The following TRIM51 variants were observed in gnomAD, a reference collection of about 807,000 sequenced individuals.
TRIM51 encodes tripartite motif-containing 51, also known as tripartite motif-containing protein 51.
TRIM51 carries 23 observed loss-of-function variants against 32.7 expected under a neutral mutation model. That is an observed-to-expected ratio of 0.70 (90% CI 0.51 to 1.00). The LOEUF is 1.00. Among genes scored for constraint, TRIM51 ranks in the 50% least tolerant of loss-of-function variants. TRIM51 has a pLI of 0.00. For synonymous variants in TRIM51, 177 were observed against 181.9 expected, an observed-to-expected ratio of 0.97 and a Z score of 0.22; for missense variants, 592 against 539.2, an observed-to-expected ratio of 1.10 and a Z score of -0.97.
intron 6 of TRIM51, among the ~76,000 whole-genome samples, chr11:55,890,541 T>C (rs1484916814): frequency 2.0e-5 from 3 of 152,148 alleles, no homozygotes; most frequent in African/African-American, 7.2e-5. Context: ...AAATAGGAAG[T>C]AAAAATGGAA....
intron 3 of TRIM51, among the ~76,000 whole-genome samples, chr11:55,887,338 A>G (rs1448383962): frequency 1.3e-5 from 2 of 150,020 alleles, no homozygotes; most frequent in African/African-American, 4.9e-5. Context: ...TTTGAGGAAT[A>G]TATATATACA....
At chr11:55,887,910 G>A (rs752117439) in intron 3 of TRIM51, 122 bp from the exon 4 acceptor site, 24 of 759,768 alleles carry the variant, frequency 3.2e-5, no homozygotes, top group African/African-American at 1.1e-4. Flanking sequence ...AAAATTTTGT[G>A]GAATCTGAGA....
intron 4 of TRIM51, 31 bp from the exon 5 acceptor site, chr11:55,888,948 G>T (rs538483607): frequency 6.9e-6 from 11 of 1,604,532 alleles, no homozygotes. Context: ...TGTGGAAAGC[G>T]CTAAGCCTTT....
At chr11:55,889,127 T>TC (rs1854615540) in intron 5 of TRIM51, 126 bp downstream of exon 5, 1 of 849,946 alleles carries the variant, frequency 1.2e-6, no homozygotes, top group Non-Finnish European at 2.0e-6. Flanking sequence ...ACTTTCTCCA[T>TC]CCCCCACCCC....
At chr11:55,889,729 T>G (rs1454726379) in intron 5 of TRIM51, among the ~76,000 whole-genome samples, 1 of 152,176 alleles carries the variant, frequency 6.6e-6, no homozygotes, top group Non-Finnish European at 1.5e-5. Context: ...CGAAGAAAGA[T>G]CCTAATGAAT....
intron 4 of TRIM51, among the ~76,000 whole-genome samples, 155 bp downstream of exon 4, chr11:55,888,417 C>A (rs530157530): frequency 6.3e-4 from 96 of 152,290 alleles, no homozygotes; most frequent in South Asian, 1.2e-3. Context: ...GGTATAGCCT[C>A]TCCTAGTGAT....
chr11:55,889,106 G>C (rs762880389), intron 5 of TRIM51, 105 bp downstream of exon 5: 1 of 1,040,278 alleles, frequency 9.6e-7, no homozygotes, highest in Non-Finnish European at 1.5e-6. Context: ...ATACTGCCTT[G>C]TGCTGGTTGT....
At position 55,891,660 on chromosome 11, in the gene TRIM51, A is replaced by C. The variant is rs1262525425; in HGVS notation, c.*28A>C. 1 of 1,611,204 alleles carries C rather than the reference A, an allele frequency of 6.2e-7. No homozygotes were observed. The highest frequency in any genetic ancestry group is 1.7e-5 in the Admixed American group (1 of 59,764). On this transcript the variant is annotated 3_prime_UTR_variant, in exon 7 of 7. Coordinates refer to ENST00000449290, the MANE Select transcript of TRIM51 (RefSeq NM_032681.4). Reference sequence around the variant, plus strand: ...AGAGAAAAGTCAGAAATGTGCCTGTATGCTCTGGGAACCTGTTTATCCCAG... The same window carrying C: ...AGAGAAAAGTCAGAAATGTGCCTGTCTGCTCTGGGAACCTGTTTATCCCAG...
At chr11:55,889,770 T>G (rs545902829) in intron 5 of TRIM51, among the ~76,000 whole-genome samples, 172 bp from the exon 6 acceptor site, 126 of 152,310 alleles carry the variant, frequency 8.3e-4, no homozygotes, top group Non-Finnish European at 9.4e-4. Context: ...CCATCGTGCT[T>G]GAAAATGAGG....
At chr11:55,889,056 A>C (rs1854614493) in intron 5 of TRIM51, 55 bp downstream of exon 5, 4 of 1,485,284 alleles carry the variant, frequency 2.7e-6, no homozygotes, top group Non-Finnish European at 1.9e-6. Context: ...AATATCAAGC[A>C]GGAACTTTGA....
chr11:55,886,062 T>A (rs1854573541), intron 2 of TRIM51, 61 bp from the exon 3 acceptor site: 1 of 1,544,400 alleles, frequency 6.5e-7, no homozygotes, highest in Non-Finnish European at 8.9e-7. Flanking sequence ...CCTTCGTATA[T>A]CAGAGTGTGA....
rs566860622 is a variant in TRIM51 at position 55,891,500 on chromosome 11, A to G, written c.1227A>G (p.Val409=). 145 of 1,612,250 alleles carry G rather than the reference A, an allele frequency of 9.0e-5. 1 individual carries two copies. In the East Asian group the frequency reaches 2.2e-3, roughly 24 times the overall value. Reference sequence around the variant, plus strand: ...ATGTTCCAAGACCTACCAGCACAGTAGGATTATTCCTGGATTGTGAAGGTA... The same window carrying G: ...ATGTTCCAAGACCTACCAGCACAGTGGGATTATTCCTGGATTGTGAAGGTA... ...VQYVPRPTST[V]GLFLDCEGRT... The change falls in exon 7 of 7, where the codon GTA becomes GTG. Residue 409 remains valine (V), a synonymous_variant. Transcript: ENST00000449290.
intron 3 of TRIM51, among the ~76,000 whole-genome samples, chr11:55,886,940 G>A (rs1854585466): frequency 6.6e-6 from 1 of 151,996 alleles, no homozygotes; most frequent in African/African-American, 2.4e-5. Flanking sequence ...GGTATTTTAT[G>A]AGTACCTAGC....
chr11:55,889,836 T>C, intron 5 of TRIM51, 106 bp from the exon 6 acceptor site: 1 of 752,696 alleles, frequency 1.3e-6, no homozygotes, highest in Non-Finnish European at 2.3e-6. Flanking sequence ...AATTAGCAAA[T>C]GTGTGGGTTA....
intron 1 of TRIM51, among the ~76,000 whole-genome samples, chr11:55,884,177 A>G (rs1281791665): frequency 1.5e-5 from 2 of 130,278 alleles, no homozygotes; most frequent in African/African-American, 2.9e-5. Flanking sequence ...ATATATATAT[A>G]TATATACACA....
At chr11:55,888,954 CCTTT>C (rs750053752) in intron 4 of TRIM51, 21 bp from the exon 5 acceptor site, 9 of 1,599,622 alleles carry the variant, frequency 5.6e-6, no homozygotes, top group Middle Eastern at 3.3e-4. Context: ...AAGCGCTAAG[CCTTT>C]CTATTTTTTT....
rs769173009 is a variant in TRIM51, at chr11:55,886,227, C to T, written c.507+9C>T. On this transcript the variant is annotated intron_variant, in intron 3 of 6. Transcript: ENST00000449290. ...GAACCAGATGCTGGAAGGTTAGTAC[C>T]GTATGACTCTACCTTCTCCGGGAAC... The T allele has an allele frequency of 6.9e-6, 11 of 1,604,740 alleles. No individual in the cohort carries two copies. The highest frequency in any genetic ancestry group is 5.5e-5 in the South Asian group (5 of 90,804).
At chr11:55,883,797 G>T (rs536085415) in intron 1 of TRIM51, among the ~76,000 whole-genome samples, 1 of 152,150 alleles carries the variant, frequency 6.6e-6, no homozygotes, top group South Asian at 2.1e-4. Flanking sequence ...AGGCAATGAT[G>T]AGTTAAAAAT....
At position 55,888,215 on chromosome 11, in the gene TRIM51, G is replaced by T. The variant is rs1484100750; in HGVS notation, c.691G>T (p.Glu231Ter). ...CAGGGAGCTTTTAAGAGGAATGTAT[G>T]AGGATCTGAAGCAAATGTGCCATAA... is the stretch of plus-strand genomic sequence containing the variant. ...HSRELLRGMY[E>*]DLKQMCHKAD... is the part of the protein sequence containing the mutation. The change falls in exon 4 of 7, where the codon GAG becomes TAG. Residue 231 changes from glutamate to a stop codon, truncating the protein, a stop_gained. Coordinates refer to ENST00000449290, the MANE Select transcript of TRIM51 (RefSeq NM_032681.4). LOFTEE classifies it high-confidence loss of function. 8 of 1,613,454 alleles carry T rather than the reference G, an allele frequency of 5.0e-6. No homozygotes were observed. Among genetic ancestry groups the T allele is most frequent in the Non-Finnish European group, 6.8e-6 (8 of 1,179,636 alleles).
Sources: gnomAD v4.1 joint callset for allele counts (sites outside exome capture counted in the v4.1 genomes callset) on GRCh38, gnomAD v4.1.1 for gene constraint, MANE v1.5 for transcripts, NCBI Gene and HGNC (gene_info 2026-07-23, HGNC 2026-07-21) for gene names.